The following PCSK6 variants were observed in gnomAD, a reference collection of about 807,000 sequenced individuals.
PCSK6 encodes paired basic amino acid cleaving enzyme 4.
Under a neutral mutation model 123.3 loss-of-function variants are expected in PCSK6, and 85 were observed. That is an observed-to-expected ratio of 0.69 (90% CI 0.58 to 0.83). The LOEUF is 0.83. Ranked by LOEUF, PCSK6 falls within the 40% of genes least tolerant of loss-of-function variation. The pLI is 0.00. For synonymous variants in PCSK6, 508 were observed against 516.0 expected (o/e 0.98, Z 0.21); for missense variants, 1,191 against 1,282.3 (o/e 0.93, Z 1.09).
intron 19 of PCSK6, among the ~76,000 whole-genome samples, chr15:101,317,452 C>T (rs2040016810): frequency 1.3e-5 from 2 of 152,228 alleles, no homozygotes; most frequent in South Asian, 4.1e-4. Flanking sequence ...TGGGAGACAT[C>T]TGTGCCATCA....
Position 101,370,448 on chromosome 15 carries a change from C to G in PCSK6, c.1608G>C (p.Val536=). The G allele has an allele frequency of 1.9e-6, 3 of 1,551,340 alleles. No individual in the cohort carries two copies. The highest frequency in any genetic ancestry group is 2.6e-6 in the Non-Finnish European group (3 of 1,146,728). The change falls in exon 12 of 22, where the codon GTG becomes GTC. Residue 536 remains valine, a synonymous_variant. Transcript: ENST00000611716. ...GAACCACCACGTGCTCCAAGTAGACCACCCGCTGGTCCGAGTGCTCCGCGC... is the reference window on the plus strand; with the variant it reads ...GAACCACCACGTGCTCCAAGTAGACGACCCGCTGGTCCGAGTGCTCCGCGC... ...SACAEHSDQR[V]VYLEHVVVRT... is the part of the protein sequence containing the mutation.
At position 101,313,660 on chromosome 15, in the gene PCSK6, G is replaced by A. The variant is rs148859247; in HGVS notation, c.2570-155C>T. The A allele has an allele frequency of 2.6e-4, 291 of 1,102,216 alleles. 2 individuals carry two copies. The African/African-American group carries it at 3.4e-3, about 13-fold the overall frequency. The allele number at this position is 1,102,216 out of a possible 1,614,324, so 68.3% of individuals were successfully genotyped here. A position where few individuals can be genotyped will look rare whatever the true frequency, so the allele number is the denominator to read the frequency against. ...TTTCCCAGGTTCTGTGAGCTGGGCC[G>A]TCCTCACCCACTCCCAGGAGGTGGG... On this transcript the variant is annotated intron_variant, in intron 19 of 21. Transcript: ENST00000611716.
intron 1 of PCSK6, among the ~76,000 whole-genome samples, chr15:101,464,839 G>A (rs777223046): frequency 9.9e-5 from 15 of 152,142 alleles, no homozygotes; most frequent in East Asian, 1.9e-4. Context: ...CTATCCCGCC[G>A]GTGACAAGGG....
At chr15:101,313,578 G>C (rs1334491607) in intron 19 of PCSK6, 73 bp from the exon 20 acceptor site, 2 of 1,527,894 alleles carry the variant, frequency 1.3e-6, no homozygotes, top group Non-Finnish European at 1.7e-6. Context: ...CTGCTTCAGG[G>C]CCTTGTGAGA....
chr15:101,464,010 C>G (rs183224904), intron 1 of PCSK6, among the ~76,000 whole-genome samples: 73 of 152,246 alleles, frequency 4.8e-4, no homozygotes, highest in Admixed American at 4.8e-3. Context: ...AGGTCTCTTA[C>G]AGTTTTAGGA....
At chr15:101,428,521 G>A (rs569095766) in intron 5 of PCSK6, among the ~76,000 whole-genome samples, 1 of 152,352 alleles carries the variant, frequency 6.6e-6, no homozygotes, top group African/African-American at 2.4e-5. Context: ...TTAAGCTGGA[G>A]CTGAGGAAGA....
chr15:101,320,210 C>T (rs759445284), intron 18 of PCSK6, among the ~76,000 whole-genome samples: 25 of 152,276 alleles, frequency 1.6e-4, no homozygotes, highest in Non-Finnish European at 2.4e-4. Flanking sequence ...CTCAGCCTCC[C>T]GAGTAGCTGA....
At chr15:101,482,579 C>T (rs932886290) in intron 1 of PCSK6, among the ~76,000 whole-genome samples, 10 of 152,148 alleles carry the variant, frequency 6.6e-5, no homozygotes, top group Admixed American at 1.3e-4. Context: ...ATGCAGTTGG[C>T]GGACACTGGA....
intron 5 of PCSK6, among the ~76,000 whole-genome samples, chr15:101,429,395 A>T (rs1164230757): frequency 6.6e-6 from 1 of 152,086 alleles, no homozygotes; most frequent in East Asian, 1.9e-4. Context: ...TGCATTCCTC[A>T]TGCATCATCT....
intron 2 of PCSK6, among the ~76,000 whole-genome samples, chr15:101,432,934 A>G (rs1013287872): frequency 6.6e-6 from 1 of 152,236 alleles, no homozygotes; most frequent in African/African-American, 2.4e-5. Context: ...AGAAAGGAAT[A>G]CAGCAAAATA....
intron 6 of PCSK6, among the ~76,000 whole-genome samples, chr15:101,400,739 C>T (rs1332825072): frequency 2.0e-5 from 3 of 152,190 alleles, no homozygotes; most frequent in Admixed American, 6.5e-5. Context: ...TGTTCTTGTC[C>T]TATCATCTTT....
intron 6 of PCSK6, among the ~76,000 whole-genome samples, chr15:101,404,747 G>A (rs2042717847): frequency 6.6e-6 from 1 of 152,188 alleles, no homozygotes; most frequent in African/African-American, 2.4e-5. Flanking sequence ...CTGGATAAAT[G>A]GCAGCAGGGT....
chr15:101,450,998 G>A (rs540649949), intron 1 of PCSK6, among the ~76,000 whole-genome samples: 1 of 151,534 alleles, frequency 6.6e-6, no homozygotes, highest in African/African-American at 2.4e-5. Flanking sequence ...AAGCAGAAGC[G>A]GCTTGCAGGG....
intron 13 of PCSK6, among the ~76,000 whole-genome samples, chr15:101,348,676 A>G (rs1003726800): frequency 2.0e-5 from 3 of 152,180 alleles, no homozygotes; most frequent in Non-Finnish European, 1.5e-5. Context: ...TTCATATGAA[A>G]CCTTCCTCCA....
At chr15:101,462,178 C>T (rs892424845) in intron 1 of PCSK6, among the ~76,000 whole-genome samples, 1 of 152,190 alleles carries the variant, frequency 6.6e-6, no homozygotes, top group African/African-American at 2.4e-5. Context: ...AAAAAATCAA[C>T]TGCACGTCTA....
intron 1 of PCSK6, chr15:101,463,202 T>C (rs748090708): frequency 1.4e-5 from 6 of 437,364 alleles, no homozygotes; most frequent in Admixed American, 1.2e-4. Flanking sequence ...GCCCTCTGAC[T>C]GTGGGTCGGT....
intron 13 of PCSK6, among the ~76,000 whole-genome samples, chr15:101,353,944 T>C (rs1314720721): frequency 1.3e-5 from 2 of 152,204 alleles, no homozygotes; most frequent in African/African-American, 2.4e-5. Flanking sequence ...AAGAGAATCA[T>C]GTTCATGCTG....
chr15:101,431,459 C>T lies in PCSK6; in HGVS notation c.518G>A (p.Cys173Tyr). 6.2e-7 allele frequency: 1 copy of T among 1,613,664 alleles called. No homozygotes were observed. Among genetic ancestry groups the T allele is most frequent in the Non-Finnish European group, 8.5e-7 (1 of 1,179,802 alleles). Residue 173 changes from cysteine (C) to tyrosine (Y), a missense_variant, in exon 4 of 22, where the codon TGT becomes TAT. By Grantham distance (194) the Cys-to-Tyr change is radical. This residue lies in a region of PCSK6 where 357 missense variants were observed against 484.5 expected (regional missense o/e 0.74). Transcript: ENST00000611716. ...CCGGCAGCGACTGTTCTTGTCGCCA[C>T]AATGCTGTAAGCACGAAAGACACAA... The part of the protein sequence containing the change: ...PIWSNMWYLH[C>Y]GDKNSRCRSE...
At chr15:101,478,856 T>TTGC (rs2057797647) in intron 1 of PCSK6, among the ~76,000 whole-genome samples, 1 of 152,192 alleles carries the variant, frequency 6.6e-6, no homozygotes, top group Admixed American at 6.5e-5. Flanking sequence ...TCACAAATAT[T>TTGC]TGCTGCTCAC....
Sources: gnomAD v4.1 joint callset for allele counts (sites outside exome capture counted in the v4.1 genomes callset) on GRCh38, gnomAD v4.1.1 for gene constraint, gnomAD v4.1.1 regional missense constraint, MANE v1.5 for transcripts, NCBI Gene and HGNC (gene_info 2026-07-23, HGNC 2026-07-21) for gene names.